EBPL: variants seen among roughly 807,000 people sequenced by gnomAD.
EBPL encodes EBP like.
In EBPL, 20 loss-of-function variants were observed where a neutral mutation model predicts 19.0. That is an observed-to-expected ratio of 1.05 (90% CI 0.74 to 1.53). The LOEUF (loss-of-function observed/expected upper bound fraction) is 1.53. Among genes scored for constraint, EBPL ranks in the 40% most tolerant of loss-of-function variants. The probability of loss-of-function intolerance (pLI) is 0.00; values close to 1 mark genes in which losing one functional copy is unlikely to be tolerated. For synonymous variants in EBPL, 107 were observed against 117.0 expected (o/e 0.91, Z 0.55); for missense variants, 219 against 261.1 (o/e 0.84, Z 1.11).
chr13:49,670,680 T>C (rs1953802889), intron 1 of EBPL, among the ~76,000 whole-genome samples: 1 of 152,224 alleles, frequency 6.6e-6, no homozygotes, highest in African/African-American at 2.4e-5. Flanking sequence ...GGAAAAGCTA[T>C]TGTTTGATTG....
intron 2 of EBPL, chr13:49,668,671 T>TTA (rs1566314603): frequency 2.8e-6 from 1 of 358,874 alleles, no homozygotes. Context: ...TATAAAGTGG[T>TTA]AAAAAAAAAT....
At chr13:49,673,994 A>ACACACACACACAC (rs1566316990) in intron 1 of EBPL, among the ~76,000 whole-genome samples, 2 of 105,138 alleles carry the variant, frequency 1.9e-5, no homozygotes, top group Non-Finnish European at 4.8e-5. Flanking sequence ...CACACACACC[A>ACACACACACACAC]CACAAAGAAA....
At chr13:49,678,217 T>C (rs1331277110) in intron 1 of EBPL, among the ~76,000 whole-genome samples, 1 of 152,222 alleles carries the variant, frequency 6.6e-6, no homozygotes, top group Non-Finnish European at 1.5e-5. Context: ...ATCCTTTAGC[T>C]AGACACAACA....
intron 1 of EBPL, among the ~76,000 whole-genome samples, chr13:49,677,952 C>T (rs1188631724): frequency 1.3e-5 from 2 of 152,138 alleles, no homozygotes; most frequent in Admixed American, 6.6e-5. Flanking sequence ...AAAGGCAATG[C>T]GGACCCAAAG....
intron 1 of EBPL, among the ~76,000 whole-genome samples, chr13:49,676,396 C>A (rs1166523230): frequency 6.6e-6 from 1 of 152,110 alleles, no homozygotes; most frequent in Non-Finnish European, 1.5e-5. Flanking sequence ...TCGAGACCAT[C>A]CTGGTTAACA....
chr13:49,679,976 G>A (rs1037846655), intron 1 of EBPL, among the ~76,000 whole-genome samples: 13 of 152,160 alleles, frequency 8.5e-5, no homozygotes, highest in Non-Finnish European at 1.8e-4. Flanking sequence ...TGACAGAGTC[G>A]CTCACCAATT....
At chr13:49,661,671 T>C (rs1965150586) in intron 3 of EBPL, 2 of 897,872 alleles carry the variant, frequency 2.2e-6, no homozygotes, top group Admixed American at 6.2e-5. Context: ...ATATCACAAA[T>C]GTTTAAAATA....
chr13:49,664,136 C>T, intron 2 of EBPL, among the ~76,000 whole-genome samples: 1 of 152,064 alleles, frequency 6.6e-6, no homozygotes, highest in Non-Finnish European at 1.5e-5. Context: ...CCTGTAATCT[C>T]AGCTACTTGG....
At position 49,661,178 on chromosome 13, in the gene EBPL, G is replaced by C. The variant is rs764834168; in HGVS notation, c.411C>G (p.Cys137Trp). Residue 137 changes from cysteine (C) to tryptophan (W), a missense_variant, in exon 4 of 4, where the codon TGC becomes TGG. Physicochemically the swap from Cys to Trp is radical, Grantham distance 215 (BLOSUM62 -2). Around this residue, in one of 2 missense-constraint regions of EBPL, gnomAD observed 49 missense variants for 94.1 expected, o/e 0.52. Coordinates refer to ENST00000242827, the MANE Select transcript of EBPL (RefSeq NM_032565.5). ...AGGTCATCCAGCAGCCATACAGCTC[G>C]CACACGCACAGGGTGATCTGCAGGA... ...RHFLQITLCV[C>W]ELYGCWMTFL... The C allele has an allele frequency of 6.2e-7, 1 of 1,614,006 alleles. No individual in the cohort carries two copies. The highest frequency in any genetic ancestry group is 1.1e-5 in the South Asian group (1 of 91,078).
At chr13:49,669,600 C>A (rs777829431) in intron 2 of EBPL, among the ~76,000 whole-genome samples, 177 bp downstream of exon 2, 4 of 151,884 alleles carry the variant, frequency 2.6e-5, no homozygotes, top group African/African-American at 9.7e-5. Context: ...CCCCCCAACA[C>A]CCCCACCCCT....
intron 1 of EBPL, among the ~76,000 whole-genome samples, chr13:49,675,023 A>G (rs1953861233): frequency 6.6e-6 from 1 of 152,166 alleles, no homozygotes; most frequent in South Asian, 2.1e-4. Context: ...TTGTGCATCT[A>G]TGAATGTATT....
chr13:49,681,173 T>C (rs1160966896), intron 1 of EBPL, among the ~76,000 whole-genome samples: 2 of 152,254 alleles, frequency 1.3e-5, no homozygotes, highest in Non-Finnish European at 2.9e-5. Flanking sequence ...ACATATGTTA[T>C]AAAATATAAC....
chr13:49,660,846 G>T lies in EBPL; in HGVS notation c.*122C>A. On this transcript the variant is annotated 3_prime_UTR_variant, in exon 4 of 4. Coordinates refer to ENST00000242827, the MANE Select transcript of EBPL (RefSeq NM_032565.5). ...CCTTAAAACCAATTTGAAACAGGTT[G>T]TTCAGGAGCAACAATACAAAAACAA... The T allele has an allele frequency of 1.2e-6, 1 of 863,562 alleles. No homozygotes were observed. 53.5% of individuals were successfully genotyped at this position (863,562 alleles called of 1,614,324 possible). A position where few individuals can be genotyped will look rare whatever the true frequency, so the allele number is the denominator to read the frequency against.
intron 1 of EBPL, among the ~76,000 whole-genome samples, chr13:49,680,682 C>T (rs1047976784): frequency 2.0e-5 from 3 of 152,090 alleles, no homozygotes; most frequent in African/African-American, 4.8e-5. Flanking sequence ...ATTAGCTGCG[C>T]GTGGTGGCAC....
chr13:49,672,945 G>C (rs146033797), intron 1 of EBPL, among the ~76,000 whole-genome samples: 4 of 151,990 alleles, frequency 2.6e-5, no homozygotes, highest in Non-Finnish European at 5.9e-5. Flanking sequence ...CTGGAGTCCC[G>C]GCTACTTAGG....
chr13:49,691,058 G>A (rs533059592), intron 1 of EBPL, among the ~76,000 whole-genome samples, 196 bp downstream of exon 1: 14 of 152,298 alleles, frequency 9.2e-5, no homozygotes, highest in Middle Eastern at 3.4e-3. Flanking sequence ...GGTAAGCTGC[G>A]CTCTGTTCAC....
At chr13:49,662,429 G>T (rs986664548) in intron 3 of EBPL, among the ~76,000 whole-genome samples, 2 of 152,176 alleles carry the variant, frequency 1.3e-5, no homozygotes, top group Admixed American at 1.3e-4. Context: ...TTTCTTGAAT[G>T]ATTTGGGGGG....
At chr13:49,663,303 T>A in intron 2 of EBPL, 108 bp from the exon 3 acceptor site, 1 of 1,377,534 alleles carries the variant, frequency 7.3e-7, no homozygotes, top group Non-Finnish European at 1.0e-6. Flanking sequence ...TAATCGCCAC[T>A]CTCTCTGCAT....
In EBPL at chr13:49,687,276, G is replaced by A. The variant is rs189787785; in HGVS notation, c.171+3978C>T. ...GACTTACCACATTCTCCCCTGGAAAGTCTCTCACAGTTAGCTTTCCTCCCC... is the reference window on the plus strand; with the variant it reads ...GACTTACCACATTCTCCCCTGGAAAATCTCTCACAGTTAGCTTTCCTCCCC... On this transcript the variant is annotated intron_variant, in intron 1 of 3. Coordinates refer to ENST00000242827, the MANE Select transcript of EBPL (RefSeq NM_032565.5). Among the ~76,000 whole-genome samples the A allele has an allele frequency of 1.1e-3, 172 of 152,232 alleles. 1 individual carries two copies. Among genetic ancestry groups the A allele is most frequent in the African/African-American group, 4.0e-3 (165 of 41,536 alleles).
Sources: allele counts gnomAD v4.1 joint callset (sites outside exome capture counted in the v4.1 genomes callset), GRCh38; gene constraint gnomAD v4.1.1; regional missense constraint gnomAD v4.1.1; transcripts MANE v1.5; gene names NCBI Gene and HGNC (gene_info 2026-07-23, HGNC 2026-07-21).